Variants in CTNNA2 observed in about 807,000 individuals in gnomAD.
CTNNA2 encodes catenin alpha 2, also known as catenin alpha-2.
In CTNNA2, 42 loss-of-function variants were observed where a neutral mutation model predicts 101.0. That is an observed-to-expected ratio of 0.42 (90% confidence interval 0.32 to 0.54). The LOEUF (loss-of-function observed/expected upper bound fraction) is 0.54, where lower values mean the gene tolerates loss of function less well. CTNNA2 is among the 20% of genes least tolerant of loss of function. The pLI, the probability that CTNNA2 is intolerant of heterozygous loss-of-function variation, is 0.14. For synonymous variants in CTNNA2, 450 were observed against 456.4 expected (o/e 0.99, Z 0.18); for missense variants, 871 against 1,223.1 (o/e 0.71, Z 4.29).
intron 14 of CTNNA2, among the ~76,000 whole-genome samples, 186 bp downstream of exon 14, chr2:80,582,005 T>C (rs1695584338): frequency 6.6e-6 from 1 of 152,178 alleles, no homozygotes; most frequent in African/African-American, 2.4e-5. Flanking sequence ...CCACTGCTCC[T>C]GATTCCTCTA....
At chr2:79,522,736 A>G (rs1268871009) in intron 1 of CTNNA2, among the ~76,000 whole-genome samples, 2 of 152,202 alleles carry the variant, frequency 1.3e-5, no homozygotes, top group Non-Finnish European at 2.9e-5. Context: ...TGGGACACTG[A>G]TAACTACTCG....
At chr2:79,457,710 G>A (rs1471671709) in intron 4 of CTNNA2, among the ~76,000 whole-genome samples, 1 of 152,172 alleles carries the variant, frequency 6.6e-6, no homozygotes, top group Non-Finnish European at 1.5e-5. Flanking sequence ...AAAAGAGACA[G>A]TGCAGTAGGT....
intron 9 of CTNNA2, among the ~76,000 whole-genome samples, chr2:80,454,801 T>A (rs1683822445): frequency 6.6e-6 from 1 of 152,196 alleles, no homozygotes; most frequent in Non-Finnish European, 1.5e-5. Flanking sequence ...CATTTGATCA[T>A]TGTCAGCCTC....
intron 7 of CTNNA2, among the ~76,000 whole-genome samples, chr2:80,059,777 G>T (rs962259196): frequency 2.6e-5 from 4 of 152,144 alleles, no homozygotes; most frequent in African/African-American, 9.7e-5. Context: ...AGAGCTGCTG[G>T]CTTAATAAAG....
At chr2:79,309,720 T>A (rs1676323660) in intron 2 of CTNNA2, among the ~76,000 whole-genome samples, 1 of 152,292 alleles carries the variant, frequency 6.6e-6, no homozygotes, top group Non-Finnish European at 1.5e-5. Flanking sequence ...AAAGGTCTGA[T>A]AACAACTTAG....
At chr2:79,215,787 G>A (rs538371489) in intron 2 of CTNNA2, among the ~76,000 whole-genome samples, 20 of 152,250 alleles carry the variant, frequency 1.3e-4, no homozygotes, top group Non-Finnish European at 2.4e-4. Flanking sequence ...GTCACAGAAC[G>A]AAACTGTAAG....
chr2:79,423,646 C>T (rs991900064), intron 4 of CTNNA2, among the ~76,000 whole-genome samples: 1 of 152,156 alleles, frequency 6.6e-6, no homozygotes, highest in Non-Finnish European at 1.5e-5. Context: ...AAACATCCCA[C>T]TTTATAGATT....
intron 4 of CTNNA2, among the ~76,000 whole-genome samples, chr2:79,463,289 T>C (rs556475883): frequency 1.3e-5 from 2 of 150,842 alleles, no homozygotes; most frequent in South Asian, 4.2e-4. Flanking sequence ...GCACCTGTAA[T>C]CTCAGCTACT....
intron 9 of CTNNA2, among the ~76,000 whole-genome samples, chr2:80,495,967 A>AT (rs1236115589): frequency 1.4e-5 from 2 of 139,070 alleles, no homozygotes; most frequent in Non-Finnish European, 3.1e-5. Flanking sequence ...AAAAAAAAAA[A>AT]GGTGGCCATT....
intron 3 of CTNNA2, among the ~76,000 whole-genome samples, chr2:79,366,995 AC>A (rs1395688839): frequency 6.6e-6 from 1 of 152,250 alleles, no homozygotes; most frequent in East Asian, 1.9e-4. Context: ...ATATGTTTAA[AC>A]CCTAATCTCC....
intron 7 of CTNNA2, among the ~76,000 whole-genome samples, chr2:80,171,318 T>C (rs1370641958): frequency 6.6e-6 from 1 of 152,220 alleles, no homozygotes; most frequent in African/African-American, 2.4e-5. Context: ...ATCTTCTGGT[T>C]TGTGCATGGG....
chr2:79,792,417 C>G (rs755688655), intron 3 of CTNNA2, among the ~76,000 whole-genome samples: 22 of 152,224 alleles, frequency 1.4e-4, no homozygotes, highest in Non-Finnish European at 2.9e-4. Context: ...GCATCCACCT[C>G]TGCTCAGCCT....
chr2:80,351,836 T>G (rs887810036), intron 7 of CTNNA2, among the ~76,000 whole-genome samples: 9 of 152,148 alleles, frequency 5.9e-5, no homozygotes, highest in Admixed American at 5.9e-4. Context: ...CTTTCTCACT[T>G]TAATGTCAGT....
At chr2:80,628,825 C>G (rs1331196528) in intron 18 of CTNNA2, among the ~76,000 whole-genome samples, 3 of 151,912 alleles carry the variant, frequency 2.0e-5, no homozygotes, top group African/African-American at 7.3e-5. Flanking sequence ...GCACGATGAT[C>G]CCCATCATAT....
chr2:80,593,687 C>T (rs1488453418), intron 15 of CTNNA2, among the ~76,000 whole-genome samples: 1 of 152,142 alleles, frequency 6.6e-6, no homozygotes, highest in Non-Finnish European at 1.5e-5. Flanking sequence ...ATGAATTTGA[C>T]TAATACAGGT....
chr2:79,221,394 C>T (rs997984815), intron 2 of CTNNA2, among the ~76,000 whole-genome samples: 1 of 152,182 alleles, frequency 6.6e-6, no homozygotes, highest in Non-Finnish European at 1.5e-5. Flanking sequence ...CTCAATCCTC[C>T]CTCCTCGACT....
At chr2:80,159,165 T>A (rs114581437) in intron 7 of CTNNA2, among the ~76,000 whole-genome samples, 2,077 of 152,304 alleles carry the variant, frequency 0.014, 40 homozygotes, top group African/African-American at 0.043. Context: ...GAAGCACAAT[T>A]TGCATGTTTA....
At chr2:79,409,561 T>A (rs1678383275) in intron 4 of CTNNA2, among the ~76,000 whole-genome samples, 1 of 151,336 alleles carries the variant, frequency 6.6e-6, no homozygotes, top group South Asian at 2.1e-4. Flanking sequence ...TAGGGAATCC[T>A]TTCCCCATTG....
chr2:79,484,735 A>G (rs1311050278), intron 4 of CTNNA2, among the ~76,000 whole-genome samples: 1 of 152,160 alleles, frequency 6.6e-6, no homozygotes, highest in Admixed American at 6.5e-5. Flanking sequence ...AGTGTAGTCC[A>G]CAGGAAGCTT....
Sources: gnomAD v4.1 joint callset for allele counts (sites outside exome capture counted in the v4.1 genomes callset) on GRCh38, gnomAD v4.1.1 for gene constraint, MANE v1.5 for transcripts, NCBI Gene and HGNC (gene_info 2026-07-23, HGNC 2026-07-21) for gene names.